The following ZNF804B variants were observed in gnomAD, a reference collection of about 807,000 sequenced individuals.
The protein encoded by ZNF804B is zinc finger 804B.
Under a neutral mutation model 101.4 loss-of-function variants are expected in ZNF804B, and 80 were observed. The ratio of observed to expected loss-of-function variants is 0.79; its 90% CI spans 0.66 to 0.95. The LOEUF is 0.95. ZNF804B is among the 40% of genes least tolerant of loss of function. ZNF804B has a pLI of 0.00. For synonymous variants in ZNF804B, 622 were observed against 558.8 expected (o/e 1.11, Z -1.59); for missense variants, 1,673 against 1,561.9 (o/e 1.07, Z -1.20).
intron 1 of ZNF804B, among the ~76,000 whole-genome samples, chr7:89,091,840 A>T (rs1013948443): frequency 6.6e-5 from 10 of 152,120 alleles, no homozygotes; most frequent in Non-Finnish European, 1.5e-4. Flanking sequence ...GTCTCCATCA[A>T]CATGTGCCTA....
chr7:88,883,518 C>T (rs916168535), intron 1 of ZNF804B, among the ~76,000 whole-genome samples: 2 of 152,076 alleles, frequency 1.3e-5, no homozygotes, highest in Non-Finnish European at 2.9e-5. Flanking sequence ...GCTCTTTTCC[C>T]CTTTCAGCCT....
In ZNF804B at chr7:88,844,355, T is replaced by A. The variant is rs145440953; in HGVS notation, c.108+84271T>A. Among the ~76,000 whole-genome samples the A allele has an allele frequency of 1.6e-3, 240 of 152,350 alleles. 2 individuals carry two copies. Among genetic ancestry groups the A allele is most frequent in the African/African-American group, 5.3e-3 (221 of 41,578 alleles). The stretch of plus-strand genomic sequence containing the variant: ...GAGGCATTATTTTTAGTTGGTATGT[T>A]TCTCTGGTCTCTTTAGCTTCTGCAT... On this transcript the variant is annotated intron_variant, in intron 1 of 3. Transcript: ENST00000333190.
rs574378866 is a variant in ZNF804B, at chr7:88,953,453, T to C, written c.108+193369T>C. ...AAAAAATAGAACACATTATTTAAAA[T>C]TGCTTTGAGGTTTTTATTTATGTAT... On this transcript the variant is annotated intron_variant, in intron 1 of 3. Transcript: ENST00000333190. 3.3e-5 allele frequency among the ~76,000 whole-genome samples: 5 copies of C among 151,896 alleles called. No individual in the cohort carries two copies. In the South Asian group the frequency reaches 1.0e-3, roughly 31 times the overall value.
chr7:89,292,626 CA>C (rs1562938861), intron 2 of ZNF804B, among the ~76,000 whole-genome samples: 1 of 151,162 alleles, frequency 6.6e-6, no homozygotes, highest in Admixed American at 6.6e-5. Flanking sequence ...TGAAAATAGA[CA>C]AAAAAAGAAG....
intron 2 of ZNF804B, among the ~76,000 whole-genome samples, chr7:89,218,856 T>G (rs957411211): frequency 2.6e-5 from 4 of 152,072 alleles, no homozygotes; most frequent in Non-Finnish European, 4.4e-5. Context: ...ATCATAAAGG[T>G]CTTCATCTTC....
chr7:88,859,526 AT>A (rs1484763325), intron 1 of ZNF804B, among the ~76,000 whole-genome samples: 1 of 152,108 alleles, frequency 6.6e-6, no homozygotes, highest in East Asian at 1.9e-4. Context: ...AGAATATACT[AT>A]TCTCTTTAAT....
chr7:89,229,124 G>T (rs572347529), intron 2 of ZNF804B, among the ~76,000 whole-genome samples: 1 of 152,164 alleles, frequency 6.6e-6, no homozygotes, highest in Non-Finnish European at 1.5e-5. Context: ...ACACCTCCCC[G>T]CAAGCTGAGG....
chr7:89,077,082 T>A (rs1381798844), intron 1 of ZNF804B, among the ~76,000 whole-genome samples: 1 of 12,888 alleles, frequency 7.8e-5, no homozygotes, highest in Non-Finnish European at 1.5e-4. Flanking sequence ...GAAACAGTGA[T>A]GATGATGTTC....
At chr7:89,243,932 ATAAGATG>A (rs1789408816) in intron 2 of ZNF804B, among the ~76,000 whole-genome samples, 1 of 152,012 alleles carries the variant, frequency 6.6e-6, no homozygotes, top group Non-Finnish European at 1.5e-5. Context: ...TTCCAAATAC[ATAAGATG>A]TAAATTGGAA....
chr7:88,915,439 A>G lies in ZNF804B; in HGVS notation c.108+155355A>G, dbSNP rs528567774. The stretch of plus-strand genomic sequence containing the variant: ...TTCCAACTTAAACAGAAACTTAAAA[A>G]TAAGTTCACATTATGGACAAATTAA... On this transcript the variant is annotated intron_variant, in intron 1 of 3. Coordinates refer to ENST00000333190, the MANE Select transcript of ZNF804B (RefSeq NM_181646.5). Among the ~76,000 whole-genome samples, 4 of 152,208 alleles carry G rather than the reference A, an allele frequency of 2.6e-5. 1 individual carries two copies. Among genetic ancestry groups the G allele is most frequent in the African/African-American group, 7.2e-5 (3 of 41,586 alleles).
intron 1 of ZNF804B, among the ~76,000 whole-genome samples, chr7:88,921,915 G>A (rs1278227652): frequency 6.6e-6 from 1 of 151,990 alleles, no homozygotes; most frequent in African/African-American, 2.4e-5. Context: ...AACTAGCTGT[G>A]CCTCACTAAA....
At chr7:88,895,928 A>G (rs1792276827) in intron 1 of ZNF804B, among the ~76,000 whole-genome samples, 1 of 152,176 alleles carries the variant, frequency 6.6e-6, no homozygotes, top group Non-Finnish European at 1.5e-5. Flanking sequence ...CACCAAATAA[A>G]TTATGTAGAC....
chr7:88,977,032 C>G (rs1172032406), intron 1 of ZNF804B, among the ~76,000 whole-genome samples: 4 of 151,730 alleles, frequency 2.6e-5, no homozygotes, highest in Admixed American at 2.6e-4. Context: ...CGATGTATCA[C>G]ATTGATTGAT....
chr7:88,975,986 A>G (rs1261993837), intron 1 of ZNF804B, among the ~76,000 whole-genome samples: 1 of 151,628 alleles, frequency 6.6e-6, no homozygotes, highest in Admixed American at 6.6e-5. Context: ...TCTTCTGCAT[A>G]TGCATATCCA....
chr7:89,273,907 C>T (rs113837825), intron 2 of ZNF804B, among the ~76,000 whole-genome samples: 2,047 of 143,848 alleles, frequency 0.014, 42 homozygotes, highest in African/African-American at 0.052. Context: ...AATAATGTTA[C>T]ACATTAATCT....
intron 1 of ZNF804B, among the ~76,000 whole-genome samples, chr7:88,877,122 C>G (rs1364230607): frequency 8.2e-6 from 1 of 122,258 alleles, no homozygotes; most frequent in Non-Finnish European, 1.6e-5. Context: ...TGCAGTGGCA[C>G]GATCTCAGCT....
chr7:88,916,400 A>G (rs1045823553), intron 1 of ZNF804B, among the ~76,000 whole-genome samples: 6 of 152,130 alleles, frequency 3.9e-5, no homozygotes, highest in African/African-American at 1.4e-4. Context: ...AAAATCTGGC[A>G]TAATGGTATT....
At chr7:88,916,612 T>C (rs1254550502) in intron 1 of ZNF804B, among the ~76,000 whole-genome samples, 1 of 152,164 alleles carries the variant, frequency 6.6e-6, no homozygotes, top group Non-Finnish European at 1.5e-5. Context: ...TTTTGCTATT[T>C]AGAAATGTAG....
chr7:88,864,879 C>G (rs1237028109), intron 1 of ZNF804B, among the ~76,000 whole-genome samples: 1 of 152,192 alleles, frequency 6.6e-6, no homozygotes, highest in Non-Finnish European at 1.5e-5. Flanking sequence ...TAAGAAGTGA[C>G]TAATAAAATC....
Sources: allele counts gnomAD v4.1 joint callset (sites outside exome capture counted in the v4.1 genomes callset), GRCh38; gene constraint gnomAD v4.1.1; transcripts MANE v1.5; gene names NCBI Gene and HGNC (gene_info 2026-07-23, HGNC 2026-07-21).